Variants in ADGRG5 observed in about 807,000 individuals in gnomAD.
ADGRG5 encodes the protein adhesion G protein-coupled receptor G5.
A neutral mutation model predicts 53.2 loss-of-function variants in ADGRG5; 37 were observed. That is an observed-to-expected ratio of 0.70 (90% confidence interval 0.53 to 0.91). The LOEUF is 0.91. ADGRG5 is among the 40% of genes least tolerant of loss of function. The probability of loss-of-function intolerance (pLI) is 0.00; values close to 1 mark genes in which losing one functional copy is unlikely to be tolerated. For synonymous variants in ADGRG5, 277 were observed against 290.4 expected (o/e 0.95, Z 0.47); for missense variants, 614 against 675.8 (o/e 0.91, Z 1.01).
intron 9 of ADGRG5, among the ~76,000 whole-genome samples, chr16:57,570,091 A>C (rs72622275): frequency 0.27 from 41,471 of 152,016 alleles, 5,865 homozygotes; most frequent in Admixed American, 0.38. Context: ...TGGTACCTTC[A>C]TCACCGTCCT....
chr16:57,561,969 G>T (rs994999122), intron 1 of ADGRG5, 87 bp from the exon 2 acceptor site: 54 of 633,602 alleles, frequency 8.5e-5, no homozygotes, highest in Admixed American at 3.4e-4. Context: ...ATAAGATGCT[G>T]CATGTCCTAC....
At chr16:57,549,068 T>C (rs1362516160) in intron 1 of ADGRG5, among the ~76,000 whole-genome samples, 1 of 152,348 alleles carries the variant, frequency 6.6e-6, no homozygotes, top group Non-Finnish European at 1.5e-5. Flanking sequence ...TATTCCTCTA[T>C]TGATAGACAT....
Position 57,562,403 on chromosome 16 carries a change from G to A in ADGRG5, c.84G>A (p.Leu28=), listed in dbSNP as rs1313624466. Residue 28 remains leucine, a synonymous_variant, in exon 3 of 12, where the codon CTG becomes CTA. Transcript: ENST00000349457. Reference sequence around the variant, plus strand: ...CCACAGAGACATGGGAAGAACTCCTGAGCTACATGGAGAATATGCAGGTGT... The same window carrying A: ...CCACAGAGACATGGGAAGAACTCCTAAGCTACATGGAGAATATGCAGGTGT... The part of the protein sequence containing the change: ...NATTETWEEL[L]SYMENMQVSR... 1 of 1,608,388 alleles carries A rather than the reference G, an allele frequency of 6.2e-7. No homozygotes were observed. Among genetic ancestry groups the A allele is most frequent in the Non-Finnish European group, 8.5e-7 (1 of 1,177,692 alleles).
the ADGRG5 span, among the ~76,000 whole-genome samples, chr16:57,532,829 G>GGGAGGAGGA: frequency 6.6e-6 from 1 of 152,172 alleles, no homozygotes; most frequent in Non-Finnish European, 1.5e-5. Flanking sequence ...GTGGGGGGAG[G>GGGAGGAGGA]GGAGGAGGAG....
intron 1 of ADGRG5, among the ~76,000 whole-genome samples, chr16:57,561,552 A>G (rs1365219414): frequency 6.6e-6 from 1 of 151,904 alleles, no homozygotes; most frequent in Non-Finnish European, 1.5e-5. Context: ...TATTTTATTC[A>G]TTCCCTCTCA....
In ADGRG5 at chr16:57,567,905, G is replaced by T; in HGVS notation, c.871G>T (p.Val291Leu). 1 of 1,613,354 alleles carries T rather than the reference G, an allele frequency of 6.2e-7. No homozygotes were observed. ...TRIHMNLHAS[V>L]LLLNIAFLLS... is the part of the protein sequence containing the mutation. ...CATCCACATGAACCTGCATGCCTCC[G>T]TGCTGCTCCTGAACATCGCCTTCCT... The change falls in exon 9 of 12, where the codon GTG becomes TTG. Residue 291 changes from valine to leucine, a missense_variant. Physicochemically the swap from Val to Leu is conservative, Grantham distance 32. Coordinates refer to ENST00000349457, the MANE Select transcript of ADGRG5 (RefSeq NM_001304376.3).
chr16:57,565,082 C>G lies in ADGRG5; in HGVS notation c.478C>G (p.Leu160Val), dbSNP rs758047307. The G allele has an allele frequency of 2.5e-6, 4 of 1,613,702 alleles. No individual in the cohort carries two copies. Among genetic ancestry groups the G allele is most frequent in the Non-Finnish European group, 3.4e-6 (4 of 1,179,820 alleles). Reference protein sequence around the residue: ...LLNNYVLGAQLSHGHVNNLRD... With the variant: ...LLNNYVLGAQVSHGHVNNLRD... Reference sequence around the variant, plus strand: ...GAATAACTACGTCCTGGGGGCCCAGCTGAGTCATGGGCACGTGAACAACCT... The same window carrying G: ...GAATAACTACGTCCTGGGGGCCCAGGTGAGTCATGGGCACGTGAACAACCT... The change falls in exon 6 of 12, where the codon CTG becomes GTG. Residue 160 changes from leucine (L) to valine (V), a missense_variant. Leu to Val is a conservative substitution (Grantham distance 32, BLOSUM62 1). Transcript: ENST00000349457.
intron 11 of ADGRG5, 136 bp from the exon 12 acceptor site, chr16:57,575,302 C>A: frequency 1.1e-6 from 1 of 935,366 alleles, no homozygotes. Flanking sequence ...GAGGCTCTGC[C>A]CCTCTGGCCT....
chr16:57,533,180 G>A, the ADGRG5 span, among the ~76,000 whole-genome samples: 67 of 152,182 alleles, frequency 4.4e-4, no homozygotes, highest in Non-Finnish European at 8.5e-4. Context: ...CCTCCTAGGG[G>A]CTGGGGGAGA....
intron 10 of ADGRG5, among the ~76,000 whole-genome samples, chr16:57,572,149 A>G (rs1017816520): frequency 2.7e-5 from 4 of 150,882 alleles, no homozygotes; most frequent in Middle Eastern, 3.2e-3. Context: ...CTTACTATGT[A>G]TATACACATT....
upstream of ADGRG5, among the ~76,000 whole-genome samples, chr16:57,539,776 T>C (rs548700204): frequency 6.6e-6 from 1 of 151,768 alleles, no homozygotes; most frequent in Non-Finnish European, 1.5e-5. Flanking sequence ...TTAAAAATGC[T>C]TAAAATGGTA....
At chr16:57,563,279 G>T in intron 4 of ADGRG5, 32 bp downstream of exon 4, 5 of 1,602,886 alleles carry the variant, frequency 3.1e-6, no homozygotes, top group Non-Finnish European at 4.3e-6. Flanking sequence ...GGTGTGGCCA[G>T]CTGCCCCGCC....
At chr16:57,529,237 G>C in the ADGRG5 span, 2 of 1,136,532 alleles carry the variant, frequency 1.8e-6, no homozygotes, top group African/African-American at 1.7e-5. This position sits in a 1 kb window ranked among gnomAD's most constrained non-coding sequence, Gnocchi z 4.1. Context: ...CGGCTCCGGG[G>C]ACGCGCGGCG....
At chr16:57,540,648 T>G (rs1328447008), upstream of ADGRG5, among the ~76,000 whole-genome samples, 1 of 152,168 alleles carries the variant, frequency 6.6e-6, no homozygotes, top group African/African-American at 2.4e-5. Flanking sequence ...GCTGGAGGGC[T>G]TCCCAGGTAC....
the ADGRG5 span, chr16:57,529,371 C>T: frequency 4.6e-6 from 3 of 645,612 alleles, no homozygotes; most frequent in South Asian, 7.4e-5. This position sits in a 1 kb window ranked among gnomAD's most constrained non-coding sequence, Gnocchi z 4.1. Context: ...CCGTCAGTCT[C>T]GAAGATCAGC....
At chr16:57,538,003 C>T (rs2032430937), upstream of ADGRG5, among the ~76,000 whole-genome samples, 1 of 152,024 alleles carries the variant, frequency 6.6e-6, no homozygotes, top group African/African-American at 2.4e-5. Context: ...GATCAAGAGC[C>T]CAGAGGTCTT....
intron 1 of ADGRG5, chr16:57,543,066 CAG>C (rs753959329): frequency 1.3e-5 from 2 of 152,158 alleles, no homozygotes; most frequent in Non-Finnish European, 2.9e-5. Flanking sequence ...GGATGGCTGT[CAG>C]GGGCTCAGTA....
At chr16:57,557,511 G>GA (rs1156990293) in intron 1 of ADGRG5, among the ~76,000 whole-genome samples, 1 of 151,892 alleles carries the variant, frequency 6.6e-6, no homozygotes, top group Non-Finnish European at 1.5e-5. Context: ...ATTAATTTTG[G>GA]AAAAAAATTG....
chr16:57,576,447 T>A lies in ADGRG5; in HGVS notation c.*909T>A, dbSNP rs555253546. On this transcript the variant is annotated 3_prime_UTR_variant, in exon 12 of 12. Coordinates refer to ENST00000349457, the MANE Select transcript of ADGRG5 (RefSeq NM_001304376.3). The stretch of plus-strand genomic sequence containing the variant: ...GAATTTGCCCAGGTAGGCGTGAGAG[T>A]GTGGGTTTTAAATTCGAAGCTCAGG... 1 of 151,590 alleles carries A rather than the reference T, an allele frequency of 6.6e-6. No individual in the cohort carries two copies. Among genetic ancestry groups the A allele is most frequent in the Non-Finnish European group, 1.5e-5 (1 of 67,862 alleles). The allele number at this position is 151,590 out of a possible 1,614,324, so 9.4% of individuals were successfully genotyped here.
Sources: gnomAD v4.1 joint callset for allele counts (sites outside exome capture counted in the v4.1 genomes callset) on GRCh38, gnomAD v4.1.1 for gene constraint, Gnocchi (gnomAD v3.1) non-coding constraint, MANE v1.5 for transcripts, NCBI Gene and HGNC (gene_info 2026-07-23, HGNC 2026-07-21) for gene names.